RANBP2: variants seen among roughly 807,000 people sequenced by gnomAD.
RANBP2 encodes the protein RAN binding protein 2.
A neutral mutation model predicts 303.6 loss-of-function variants in RANBP2; 57 were observed. The observed-to-expected ratio is 0.19, with a 90% CI of 0.15 to 0.23. The LOEUF (loss-of-function observed/expected upper bound fraction) is 0.23, where lower values mean the gene tolerates loss of function less well. Among genes scored for constraint, RANBP2 ranks in the 10% least tolerant of loss-of-function variants. The pLI is 1.00. For missense variants in RANBP2, 3,138 were observed against 3,780.8 expected (o/e 0.83, Z 4.46); for synonymous variants, 1,167 against 1,301.5 (o/e 0.90, Z 2.23).
the RANBP2 span, among the ~76,000 whole-genome samples, chr2:109,097,891 C>A: frequency 6.6e-6 from 1 of 152,084 alleles, no homozygotes; most frequent in Admixed American, 6.5e-5. Context: ...CTGGGTCCAG[C>A]ATGTCTTCCT....
At chr2:108,887,135 G>A in the RANBP2 span, among the ~76,000 whole-genome samples, 19 of 152,120 alleles carry the variant, frequency 1.2e-4, no homozygotes, top group African/African-American at 4.6e-4. Flanking sequence ...TATTGAAGAG[G>A]GTGAACTTTC....
the RANBP2 span, among the ~76,000 whole-genome samples, chr2:109,392,600 C>T: frequency 0.014 from 2,185 of 152,168 alleles, 61 homozygotes; most frequent in African/African-American, 0.046. Context: ...GCTCAAGCTC[C>T]GCCTCGTGGG....
At chr2:109,501,324 T>C in the RANBP2 span, among the ~76,000 whole-genome samples, 1 of 152,040 alleles carries the variant, frequency 6.6e-6, no homozygotes, top group Non-Finnish European at 1.5e-5. Flanking sequence ...ATTTTTTTTA[T>C]TAAAAAATGA....
chr2:109,548,304 G>T, the RANBP2 span, among the ~76,000 whole-genome samples: 1 of 152,136 alleles, frequency 6.6e-6, no homozygotes, highest in Non-Finnish European at 1.5e-5. Flanking sequence ...TTGGTCCTCT[G>T]ATCTGGTTAG....
At chr2:109,486,511 A>C in the RANBP2 span, among the ~76,000 whole-genome samples, 1 of 152,260 alleles carries the variant, frequency 6.6e-6, no homozygotes, top group Middle Eastern at 3.2e-3. Context: ...GAGTAAACAC[A>C]TTATAAAAAC....
the RANBP2 span, among the ~76,000 whole-genome samples, chr2:108,855,525 T>G: frequency 2.0e-5 from 3 of 152,064 alleles, no homozygotes; most frequent in Non-Finnish European, 4.4e-5. Context: ...AAGGCAAGTC[T>G]GAACAGAATC....
chr2:109,039,622 T>G, the RANBP2 span, among the ~76,000 whole-genome samples: 2 of 152,258 alleles, frequency 1.3e-5, no homozygotes, highest in Non-Finnish European at 2.9e-5. Context: ...GTGCTGGGAT[T>G]ACAGGCGTGA....
At chr2:108,848,438 T>C in the RANBP2 span, among the ~76,000 whole-genome samples, 1 of 152,202 alleles carries the variant, frequency 6.6e-6, no homozygotes, top group East Asian at 1.9e-4. Context: ...TTCAAAGAAA[T>C]ATAACAGGGC....
chr2:109,258,886 G>A, the RANBP2 span, among the ~76,000 whole-genome samples: 1 of 152,210 alleles, frequency 6.6e-6, no homozygotes, highest in Admixed American at 6.5e-5. Context: ...AACACTCTGT[G>A]GTCAGGGGTT....
chr2:109,662,937 C>A, the RANBP2 span, among the ~76,000 whole-genome samples: 4 of 152,208 alleles, frequency 2.6e-5, no homozygotes, highest in Non-Finnish European at 4.4e-5. Context: ...TGCCACAGTG[C>A]TCCACTTCCA....
chr2:108,730,986 A>G, intron 3 of RANBP2, 101 bp downstream of exon 3: 1 of 1,336,056 alleles, frequency 7.5e-7, no homozygotes, highest in East Asian at 2.4e-5. Context: ...ATATCATAAA[A>G]CAGGCATTGG....
At chr2:108,730,429 A>AT (rs1179916359) in intron 2 of RANBP2, among the ~76,000 whole-genome samples, 1 of 152,038 alleles carries the variant, frequency 6.6e-6, no homozygotes. Context: ...TGTTTACTAT[A>AT]ATCACTTCTA....
At chr2:109,278,102 A>C in the RANBP2 span, among the ~76,000 whole-genome samples, 5 of 151,174 alleles carry the variant, frequency 3.3e-5, no homozygotes, top group South Asian at 6.3e-4. Context: ...GCTTGAGCCC[A>C]GGAGGTCTAG....
the RANBP2 span, among the ~76,000 whole-genome samples, chr2:109,212,986 C>T: frequency 3.3e-5 from 5 of 152,200 alleles, no homozygotes; most frequent in African/African-American, 1.2e-4. Context: ...CCCAGGGAAG[C>T]CCTGTGCTGA....
At chr2:109,505,675 C>T in the RANBP2 span, among the ~76,000 whole-genome samples, 7 of 152,180 alleles carry the variant, frequency 4.6e-5, no homozygotes, top group Non-Finnish European at 1.0e-4. Flanking sequence ...CCATTTGCTA[C>T]GTGAGCAATC....
chr2:108,849,117 G>A, the RANBP2 span, among the ~76,000 whole-genome samples: 1 of 152,062 alleles, frequency 6.6e-6, no homozygotes, highest in Non-Finnish European at 1.5e-5. Flanking sequence ...ATTAGACACT[G>A]CAGACAAACG....
the RANBP2 span, chr2:109,504,483 T>C: frequency 6.7e-6 from 1 of 148,984 alleles, no homozygotes; most frequent in African/African-American, 2.4e-5. Flanking sequence ...TCCTTTGTAC[T>C]TTGCACAGTT....
the RANBP2 span, among the ~76,000 whole-genome samples, chr2:109,493,971 A>G: frequency 6.6e-6 from 1 of 152,102 alleles, no homozygotes; most frequent in African/African-American, 2.4e-5. Flanking sequence ...ACCTCCCTTC[A>G]TGGGACCAAC....
At chr2:109,517,437 G>A in the RANBP2 span, among the ~76,000 whole-genome samples, 23 of 152,290 alleles carry the variant, frequency 1.5e-4, no homozygotes, top group African/African-American at 4.6e-4. Flanking sequence ...CCGAACCACC[G>A]CAGCAAGGAA....
Sources: allele counts gnomAD v4.1 joint callset (sites outside exome capture counted in the v4.1 genomes callset), GRCh38; gene constraint gnomAD v4.1.1; transcripts MANE v1.5; gene names NCBI Gene and HGNC (gene_info 2026-07-23, HGNC 2026-07-21).